HLX: variants seen among roughly 807,000 people sequenced by gnomAD.
HLX encodes H2.0-like homeobox protein.
A neutral mutation model predicts 27.7 loss-of-function variants in HLX; 6 were observed. The ratio of observed to expected loss-of-function variants is 0.22; its 90% CI spans 0.12 to 0.43. The LOEUF (loss-of-function observed/expected upper bound fraction) is 0.43. Among genes scored for constraint, HLX ranks in the 20% least tolerant of loss-of-function variants. The pLI is 1.00. For missense variants in HLX, 666 were observed against 655.2 expected (o/e 1.02, Z -0.18); for synonymous variants, 328 against 293.8 (o/e 1.12, Z -1.19).
chr1:220,883,430 A>G (rs1169537107), intron 3 of HLX: 2 of 152,298 alleles, frequency 1.3e-5, no homozygotes, highest in Non-Finnish European at 2.9e-5. Flanking sequence ...GATCGTATAT[A>G]TCTGTATAGA....
In HLX at chr1:220,879,837, C is replaced by T; in HGVS notation, c.-21C>T. 1 of 1,554,060 alleles carries T rather than the reference C, an allele frequency of 6.4e-7. No individual in the cohort carries two copies. Among genetic ancestry groups the T allele is most frequent in the Non-Finnish European group, 8.6e-7 (1 of 1,157,628 alleles). On this transcript the variant is annotated 5_prime_UTR_variant, in exon 1 of 4. Coordinates refer to ENST00000366903, the MANE Select transcript of HLX (RefSeq NM_021958.4). ...CCCAGTCCGGCTGGACTGCGGCAGCCGCGCGGCTCACCCCGGCAGGATGTT... is the reference window on the plus strand; with the variant it reads ...CCCAGTCCGGCTGGACTGCGGCAGCTGCGCGGCTCACCCCGGCAGGATGTT...
chr1:220,879,663 G>C lies in HLX; in HGVS notation c.-195G>C. 3.5e-6 allele frequency: 3 copies of C among 869,074 alleles called. No individual in the cohort carries two copies. Among genetic ancestry groups the C allele is most frequent in the Non-Finnish European group, 4.9e-6 (3 of 613,430 alleles). 53.8% of individuals were successfully genotyped at this position (869,074 alleles called of 1,614,324 possible). A position where few individuals can be genotyped will look rare whatever the true frequency, so the allele number is the denominator to read the frequency against. On this transcript the variant is annotated 5_prime_UTR_variant, in exon 1 of 4. Transcript: ENST00000366903. ...GAGGCCAGGGAGCGAGGCGGTGACCGGCCGAGATCCGGCCCTCGCCTCCTC... is the reference window on the plus strand; with the variant it reads ...GAGGCCAGGGAGCGAGGCGGTGACCCGCCGAGATCCGGCCCTCGCCTCCTC...
Position 220,884,667 on chromosome 1 carries a change from G to C in HLX, c.1430G>C (p.Ser477Thr), listed in dbSNP as rs753303427. Residue 477 changes from serine to threonine, a missense_variant, in exon 4 of 4, where the codon AGC becomes ACC. Transcript: ENST00000366903. The surrounding 1 kb of genome is among the most constrained non-coding windows in gnomAD (Gnocchi z 4.9). ...TQPTASSAPK[S>T]PEPAQGALGC... ...CCCACAGCCAGCAGCGCTCCCAAAA[G>C]CCCCGAGCCAGCCCAAGGCGCGCTT... 1 of 1,610,904 alleles carries C rather than the reference G, an allele frequency of 6.2e-7. No individual in the cohort carries two copies. Among genetic ancestry groups the C allele is most frequent in the South Asian group, 1.1e-5 (1 of 90,994 alleles).
chr1:220,882,379 C>T, intron 3 of HLX, 31 bp downstream of exon 3: 1 of 1,608,996 alleles, frequency 6.2e-7, no homozygotes, highest in Non-Finnish European at 8.5e-7. Flanking sequence ...GCGCACAGCG[C>T]CCTCGGGCGG....
At chr1:220,882,443 T>G in intron 3 of HLX, 95 bp downstream of exon 3, 2 of 1,139,962 alleles carry the variant, frequency 1.8e-6, no homozygotes, top group African/African-American at 1.5e-5. Context: ...CCGACTGGCC[T>G]CCTGCGGTGC....
intron 3 of HLX, 73 bp downstream of exon 3, chr1:220,882,421 C>G: frequency 7.0e-7 from 1 of 1,428,396 alleles, no homozygotes; most frequent in African/African-American, 1.4e-5. Context: ...TGGTAGGTCC[C>G]CTCCATCCCG....
In HLX at chr1:220,881,260, C is replaced by T. The variant is rs1674432040; in HGVS notation, c.659C>T (p.Ala220Val). 3.1e-6 allele frequency: 5 copies of T among 1,614,166 alleles called. No individual in the cohort carries two copies. The highest frequency in any genetic ancestry group is 4.2e-6 in the Non-Finnish European group (5 of 1,179,966). Residue 220 changes from alanine (A) to valine (V), a missense_variant, in exon 2 of 4, where the codon GCC (alanine) becomes GTC (valine). Ala to Val is a moderately conservative substitution (Grantham distance 64). Transcript: ENST00000366903. Reference protein sequence around the residue: ...GVHLSGLQPSAGQFFASLDPI... With the variant: ...GVHLSGLQPSVGQFFASLDPI... ...CACCTCTCAGGCCTGCAGCCCTCGGCCGGCCAGTTCTTCGCATCTCTAGAT... is the reference window on the plus strand; with the variant it reads ...CACCTCTCAGGCCTGCAGCCCTCGGTCGGCCAGTTCTTCGCATCTCTAGAT...
chr1:220,880,052 A>T lies in HLX; in HGVS notation c.195A>T (p.Ala65=). The T allele has an allele frequency of 1.3e-6, 2 of 1,589,930 alleles. No individual in the cohort carries two copies. Among genetic ancestry groups the T allele is most frequent in the Non-Finnish European group, 8.5e-7 (1 of 1,173,228 alleles). The stretch of plus-strand genomic sequence containing the variant: ...TGGGGGCGGCCCCGGAGGGCCTGGC[A>T]GGGGCCTCGGCCGCCGCCCTCACCG... ...GDLGAAPEGL[A]GASAAALTAH... Residue 65 remains alanine, a synonymous_variant, in exon 1 of 4, where the codon GCA becomes GCT. Coordinates refer to ENST00000366903, the MANE Select transcript of HLX (RefSeq NM_021958.4).
chr1:220,881,789 C>G, intron 2 of HLX: 1 of 399,766 alleles, frequency 2.5e-6, no homozygotes. Flanking sequence ...CACACACACA[C>G]ACACACACAC....
rs186309465 is a variant in HLX, at chr1:220,881,107, C to T, written c.593-87C>T. On this transcript the variant is annotated intron_variant, in intron 1 of 3. Transcript: ENST00000366903. ...TGACTTCGCTCAATAAAAGTGAATC[C>T]AGGGCAAGGGGAAGGGGAGGAACAA... 681 of 1,211,482 alleles carry T rather than the reference C, an allele frequency of 5.6e-4. 4 individuals are homozygous for T. Among genetic ancestry groups the T allele is most frequent in the Admixed American group, 4.1e-3 (214 of 51,828 alleles). 75.0% of individuals were successfully genotyped at this position (1,211,482 alleles called of 1,614,324 possible).
intron 2 of HLX, 125 bp downstream of exon 2, chr1:220,881,498 T>A: frequency 2.3e-6 from 2 of 851,598 alleles, no homozygotes; most frequent in Non-Finnish European, 4.0e-6. Context: ...GGCTACGGAG[T>A]CAGGAGAGAG....
rs1187109044 is a variant in HLX at position 220,880,293 on chromosome 1, G to A, written c.436G>A (p.Ala146Thr). Residue 146 changes from alanine (A) to threonine (T), a missense_variant, in exon 1 of 4, where the codon GCC (alanine) becomes ACC (threonine). Coordinates refer to ENST00000366903, the MANE Select transcript of HLX (RefSeq NM_021958.4). The stretch of plus-strand genomic sequence containing the variant: ...GCCTCCGCCTCCGCCCCGGGCTGGC[G>A]CCCTGCAGCCCCCGGCCTCGGGGAC... Reference protein sequence around the residue: ...QQPPPPPRAGALQPPASGTRV... With the variant: ...QQPPPPPRAGTLQPPASGTRV... The A allele has an allele frequency of 2.5e-6, 4 of 1,610,802 alleles. No individual in the cohort carries two copies. Among genetic ancestry groups the A allele is most frequent in the Non-Finnish European group, 3.4e-6 (4 of 1,179,284 alleles).
Position 220,884,992 on chromosome 1 carries a change from A to T in HLX, c.*288A>T. Reference sequence around the variant, plus strand: ...AAACTGTTTCTCTGACTCGCCCCAGAGGTCGTGGCTCAAAGGCACTTAGGA... The same window carrying T: ...AAACTGTTTCTCTGACTCGCCCCAGTGGTCGTGGCTCAAAGGCACTTAGGA... On this transcript the variant is annotated 3_prime_UTR_variant, in exon 4 of 4. Transcript: ENST00000366903. The surrounding 1 kb of genome is among the most constrained non-coding windows in gnomAD (Gnocchi z 4.9). 3.9e-6 allele frequency: 2 copies of T among 512,778 alleles called. No homozygotes were observed. The highest frequency in any genetic ancestry group is 3.5e-6 in the Non-Finnish European group (1 of 287,062). The allele number at this position is 512,778 out of a possible 1,614,324, so 31.8% of individuals were successfully genotyped here.
Position 220,884,874 on chromosome 1 carries a change from A to C in HLX, c.*170A>C, listed in dbSNP as rs1674537043. The C allele has an allele frequency of 9.1e-7, 1 of 1,100,592 alleles. No homozygotes were observed. The highest frequency in any genetic ancestry group is 1.3e-6 in the Non-Finnish European group (1 of 786,674). 68.2% of individuals were successfully genotyped at this position (1,100,592 alleles called of 1,614,324 possible). A position where few individuals can be genotyped will look rare whatever the true frequency, so the allele number is the denominator to read the frequency against. The stretch of plus-strand genomic sequence containing the variant: ...GCTGCTCCGACTGGCTGCAGCGGAC[A>C]CTGCCCAAAGCAGAGGGGAGTCTCA... On this transcript the variant is annotated 3_prime_UTR_variant, in exon 4 of 4. Coordinates refer to ENST00000366903, the MANE Select transcript of HLX (RefSeq NM_021958.4). The surrounding 1 kb of genome is among the most constrained non-coding windows in gnomAD (Gnocchi z 4.9).
chr1:220,884,427 G>T lies in HLX; in HGVS notation c.1190G>T (p.Ser397Ile). 1 of 1,614,182 alleles carries T rather than the reference G, an allele frequency of 6.2e-7. No individual in the cohort carries two copies. Among genetic ancestry groups the T allele is most frequent in the Non-Finnish European group, 8.5e-7 (1 of 1,180,032 alleles). Residue 397 changes from serine (S) to isoleucine (I), a missense_variant, in exon 4 of 4, where the codon AGT (serine) becomes ATT (isoleucine). Transcript: ENST00000366903. The surrounding 1 kb of genome is among the most constrained non-coding windows in gnomAD (Gnocchi z 4.9). Reference protein sequence around the residue: ...APSDTERTEGSERSLHQTTVI... With the variant: ...APSDTERTEGIERSLHQTTVI... ...AGCGACACGGAGCGGACTGAGGGGA[G>T]TGAGCGTTCTCTGCACCAAACAACA...
intron 1 of HLX, 175 bp from the exon 2 acceptor site, chr1:220,881,019 C>T (rs888602226): frequency 7.8e-6 from 5 of 644,822 alleles, no homozygotes; most frequent in African/African-American, 7.3e-5. Flanking sequence ...AGGAACTTTT[C>T]GTGCGTCGCT....
In HLX at chr1:220,881,302, C is replaced by CT. The variant is rs1262530241; in HGVS notation, c.702dup (p.Ala235CysfsTer62). ...TCTCTAGATCCCATTAACGAGGCTT[C>CT]TGCAATCCTGAGTCCCTTAAACTCG... On this transcript the variant is annotated frameshift_variant, in exon 2 of 4. Transcript: ENST00000366903. LOFTEE classifies it high-confidence loss of function. 1 of 1,614,104 alleles carries CT rather than the reference C, an allele frequency of 6.2e-7. No individual in the cohort carries two copies. Among genetic ancestry groups the CT allele is most frequent in the Non-Finnish European group, 8.5e-7 (1 of 1,179,898 alleles).
At position 220,879,998 on chromosome 1, in the gene HLX, A is replaced by T; in HGVS notation, c.141A>T (p.Ala47=). The T allele has an allele frequency of 1.3e-6, 2 of 1,598,064 alleles. No homozygotes were observed. Among genetic ancestry groups the T allele is most frequent in the Non-Finnish European group, 1.7e-6 (2 of 1,178,722 alleles). ...TCAAAAAGCCCTCCTTCTGCATCGCAGACATTCTGCACGCCGGCGTGGGGG... is the reference window on the plus strand; with the variant it reads ...TCAAAAAGCCCTCCTTCTGCATCGCTGACATTCTGCACGCCGGCGTGGGGG... ...AAVKKPSFCI[A]DILHAGVGDL... The change falls in exon 1 of 4, where the codon GCA becomes GCT. Residue 47 remains alanine (A), a synonymous_variant. Coordinates refer to ENST00000366903, the MANE Select transcript of HLX (RefSeq NM_021958.4).
chr1:220,884,474 G>A lies in HLX; in HGVS notation c.1237G>A (p.Gly413Ser). 2.5e-6 allele frequency: 4 copies of A among 1,614,172 alleles called. No individual in the cohort carries two copies. The highest frequency in any genetic ancestry group is 3.4e-6 in the Non-Finnish European group (4 of 1,180,010). The change falls in exon 4 of 4, where the codon GGC (glycine) becomes AGC (serine). Residue 413 changes from glycine (G) to serine (S), a missense_variant. Gly to Ser is a moderately conservative substitution (Grantham distance 56, BLOSUM62 0). Coordinates refer to ENST00000366903, the MANE Select transcript of HLX (RefSeq NM_021958.4). The surrounding 1 kb of genome is among the most constrained non-coding windows in gnomAD (Gnocchi z 4.9). ...QTTVIKAPVTGALITASSAGS... is the reference protein window; with the variant it reads ...QTTVIKAPVTSALITASSAGS... ...AACAGTTATTAAGGCCCCGGTCACT[G>A]GCGCCCTCATTACCGCCAGCAGTGC...
Sources: gnomAD v4.1 joint callset for allele counts on GRCh38, gnomAD v4.1.1 for gene constraint, Gnocchi (gnomAD v3.1) non-coding constraint, MANE v1.5 for transcripts, NCBI Gene and HGNC (gene_info 2026-07-23, HGNC 2026-07-21) for gene names.